The following PTPRN2 variants were observed in gnomAD, a reference collection of about 807,000 sequenced individuals.
PTPRN2 encodes the protein receptor-type tyrosine-protein phosphatase N2.
A neutral mutation model predicts 118.8 loss-of-function variants in PTPRN2; 74 were observed. The observed-to-expected ratio is 0.62, with a 90% CI of 0.52 to 0.76. PTPRN2 has a LOEUF of 0.76. Ranked by LOEUF, PTPRN2 falls within the 30% of genes least tolerant of loss-of-function variation. PTPRN2 has a pLI of 0.00. For synonymous variants in PTPRN2, 641 were observed against 608.0 expected, an observed-to-expected ratio of 1.05 and a Z score of -0.80; for missense variants, 1,481 against 1,394.4, an observed-to-expected ratio of 1.06 and a Z score of -0.99.
chr7:157,649,550 TCGGACCCA>T (rs1307317993), intron 14 of PTPRN2, among the ~76,000 whole-genome samples: 5,541 of 124,844 alleles, frequency 0.044, 1,140 homozygotes, highest in Admixed American at 0.08. Context: ...ACTCGGTGGG[TCGGACCCA>T]TCCAGCGTGC....
intron 9 of PTPRN2, among the ~76,000 whole-genome samples, chr7:158,126,590 C>T (rs1315714105): frequency 8.1e-5 from 6 of 74,012 alleles, no homozygotes; most frequent in Non-Finnish European, 1.3e-4. Flanking sequence ...GGACAGCGGG[C>T]GGCGGAACTT....
chr7:157,952,150 G>A (rs754860840), intron 11 of PTPRN2, among the ~76,000 whole-genome samples: 6 of 152,170 alleles, frequency 3.9e-5, no homozygotes, highest in South Asian at 2.1e-4. Flanking sequence ...GAAGCCTCTC[G>A]GGCTGGGCAG....
chr7:158,271,727 G>A (rs7811848), intron 3 of PTPRN2, among the ~76,000 whole-genome samples: 43,109 of 152,142 alleles, frequency 0.28, 6,578 homozygotes, highest in African/African-American at 0.4. Flanking sequence ...CACAGATTCG[G>A]TGTCGGTGAG....
chr7:158,053,735 CCCTAGAGATGCA>C (rs1809509348), intron 11 of PTPRN2, among the ~76,000 whole-genome samples: 1 of 150,456 alleles, frequency 6.6e-6, no homozygotes, highest in African/African-American at 2.5e-5. Context: ...GATGCAGAGA[CCCTAGAGATGCA>C]GAGACTCCAG....
chr7:157,807,306 C>T (rs1450965708), intron 12 of PTPRN2, among the ~76,000 whole-genome samples: 3 of 152,158 alleles, frequency 2.0e-5, no homozygotes, highest in Non-Finnish European at 4.4e-5. Flanking sequence ...AAGGAAATCC[C>T]GGCCCATTGG....
At chr7:157,978,700 C>G (rs1802923438) in intron 11 of PTPRN2, among the ~76,000 whole-genome samples, 1 of 151,922 alleles carries the variant, frequency 6.6e-6, no homozygotes, top group Non-Finnish European at 1.5e-5. Flanking sequence ...AACAAGAGTC[C>G]TCAGCTCCCC....
chr7:158,439,233 A>G (rs765123607), intron 2 of PTPRN2, among the ~76,000 whole-genome samples: 16 of 152,032 alleles, frequency 1.1e-4, no homozygotes, highest in African/African-American at 3.1e-4. Context: ...CCTCGGGCAC[A>G]TGCCTCAGGC....
chr7:157,904,412 G>A (rs1797644752), intron 11 of PTPRN2, among the ~76,000 whole-genome samples: 1 of 152,190 alleles, frequency 6.6e-6, no homozygotes, highest in African/African-American at 2.4e-5. Flanking sequence ...TCTGCTGAGT[G>A]ATGCCCTCCA....
At chr7:158,151,579 G>T (rs1821164517) in intron 6 of PTPRN2, among the ~76,000 whole-genome samples, 1 of 150,784 alleles carries the variant, frequency 6.6e-6, no homozygotes, top group African/African-American at 2.4e-5. Context: ...TGGGGTGGTG[G>T]TGGTGGGTGG....
chr7:158,164,986 T>C (rs797003018), intron 6 of PTPRN2, among the ~76,000 whole-genome samples: 8 of 78,706 alleles, frequency 1.0e-4, no homozygotes, highest in African/African-American at 3.1e-4. Flanking sequence ...GACCCCCTGA[T>C]AGCGTCCAGG....
chr7:158,092,259 CAT>C lies in PTPRN2; in HGVS notation c.1644-10884_1644-10883del, dbSNP rs1044631201. Among the ~76,000 whole-genome samples the C allele has an allele frequency of 7.2e-5, 10 of 138,638 alleles. No individual in the cohort carries two copies. In the South Asian group the frequency reaches 1.4e-3, roughly 20 times the overall value. The allele number at this position is 138,638 out of a possible 152,430, so 91.0% of individuals were successfully genotyped here. A position where few individuals can be genotyped will look rare whatever the true frequency, so the allele number is the denominator to read the frequency against. On this transcript the variant is annotated intron_variant, in intron 10 of 22. Transcript: ENST00000389418. ...ATATATGCATACATATATACATGTG[CAT>C]ATATATACATATATGTGTGTGTGTA...
chr7:158,448,622 A>G (rs1188889510), intron 2 of PTPRN2, among the ~76,000 whole-genome samples: 1 of 152,028 alleles, frequency 6.6e-6, no homozygotes, highest in Non-Finnish European at 1.5e-5. Context: ...TGCAGCTCCC[A>G]CTCCTGGGCC....
intron 11 of PTPRN2, among the ~76,000 whole-genome samples, chr7:157,963,581 C>G (rs907943175): frequency 6.6e-6 from 1 of 152,234 alleles, no homozygotes; most frequent in Admixed American, 6.5e-5. Context: ...AGAATGTGTT[C>G]CACACATAAA....
intron 5 of PTPRN2, among the ~76,000 whole-genome samples, chr7:158,174,237 GTCCC>G (rs1386946396): frequency 1.3e-5 from 2 of 152,086 alleles, no homozygotes; most frequent in Non-Finnish European, 2.9e-5. Flanking sequence ...GCTTCAGCCG[GTCCC>G]TCCATTTGGG....
chr7:158,257,671 C>T (rs569019148), intron 3 of PTPRN2, among the ~76,000 whole-genome samples: 1 of 152,240 alleles, frequency 6.6e-6, no homozygotes, highest in Non-Finnish European at 1.5e-5. Flanking sequence ...ACCCACTGTA[C>T]AAAGGATCCA....
At chr7:157,655,770 CA>C (rs1176411108) in intron 14 of PTPRN2, among the ~76,000 whole-genome samples, 1 of 152,154 alleles carries the variant, frequency 6.6e-6, no homozygotes, top group African/African-American at 2.4e-5. Context: ...CCCGGACATT[CA>C]TTATGTATGG....
In PTPRN2 at chr7:158,123,157, G is replaced by T. The variant is rs112571694; in HGVS notation, c.1556+10520C>A. On this transcript the variant is annotated intron_variant, in intron 9 of 22. Transcript: ENST00000389418. ...AACCAATAGATAAACGAGGTTTCTT[G>T]GGATCAACCAATTATTCTAGTTATC... Among the ~76,000 whole-genome samples the T allele has an allele frequency of 3.3e-3, 510 of 152,262 alleles. 5 individuals carry two copies. The highest frequency in any genetic ancestry group is 0.012 in the African/African-American group (489 of 41,546).
chr7:158,133,369 G>T (rs548481759), intron 9 of PTPRN2, among the ~76,000 whole-genome samples: 2 of 152,162 alleles, frequency 1.3e-5, no homozygotes, highest in Non-Finnish European at 1.5e-5. Flanking sequence ...GCAGAGAGGC[G>T]CGGCCTGCAG....
rs1688440563 is a variant in PTPRN2 at position 158,526,433 on chromosome 7, A to G, written c.113-36648T>C. Among the ~76,000 whole-genome samples, 1 of 152,158 alleles carries G rather than the reference A, an allele frequency of 6.6e-6. No homozygotes were observed. The highest frequency in any genetic ancestry group is 1.5e-5 in the Non-Finnish European group (1 of 68,016). On this transcript the variant is annotated intron_variant, in intron 1 of 22. Transcript: ENST00000389418. This position sits in a 1 kb window ranked among gnomAD's most constrained non-coding sequence, Gnocchi z 5.2. ...GGGCACAGGCAACCACGTTCCCACAAACACAGGGTCTGGAGGTCTCTCCGC... is the reference window on the plus strand; with the variant it reads ...GGGCACAGGCAACCACGTTCCCACAGACACAGGGTCTGGAGGTCTCTCCGC...
Sources: gnomAD v4.1 joint callset for allele counts (sites outside exome capture counted in the v4.1 genomes callset) on GRCh38, gnomAD v4.1.1 for gene constraint, Gnocchi (gnomAD v3.1) non-coding constraint, MANE v1.5 for transcripts, NCBI Gene and HGNC (gene_info 2026-07-23, HGNC 2026-07-21) for gene names.